PRUNE2: variants seen among roughly 807,000 people sequenced by gnomAD.
PRUNE2 encodes the protein protein prune homolog 2.
PRUNE2 carries 164 observed loss-of-function variants against 252.0 expected under a neutral mutation model. The ratio of observed to expected loss-of-function variants is 0.65; its 90% confidence interval spans 0.57 to 0.74. The LOEUF is 0.74. Among genes scored for constraint, PRUNE2 ranks in the 30% least tolerant of loss-of-function variants. The pLI is 0.00. For missense variants in PRUNE2, 3,495 were observed against 3,711.0 expected (o/e 0.94, Z 1.51); for synonymous variants, 1,292 against 1,350.2 (o/e 0.96, Z 0.94).
chr9:76,887,227 A>T (rs1026972902), intron 1 of PRUNE2, among the ~76,000 whole-genome samples: 1 of 152,104 alleles, frequency 6.6e-6, no homozygotes, highest in Non-Finnish European at 1.5e-5. Context: ...AGTCATCCCA[A>T]ATGAAAACAA....
intron 6 of PRUNE2, among the ~76,000 whole-genome samples, chr9:76,781,655 T>C (rs2054409052): frequency 6.6e-6 from 1 of 152,240 alleles, no homozygotes; most frequent in Non-Finnish European, 1.5e-5. Context: ...TACATTTATA[T>C]GCATGATTAC....
rs924823037 is a variant in PRUNE2, at chr9:76,624,421, T to G, written c.9188+31A>C. 4 of 1,387,598 alleles carry G rather than the reference T, an allele frequency of 2.9e-6. No homozygotes were observed. The African/African-American group carries it at 4.4e-5, about 15-fold the overall frequency. 86.0% of individuals were successfully genotyped at this position (1,387,598 alleles called of 1,614,324 possible). On this transcript the variant is annotated intron_variant, in intron 17 of 18. Coordinates refer to ENST00000376718, the MANE Select transcript of PRUNE2 (RefSeq NM_015225.3). ...AGTTCTGAAATGCAAGCCAACATCATGCCAGCCGCTAAACGAAAACCAAGT... is the reference window on the plus strand; with the variant it reads ...AGTTCTGAAATGCAAGCCAACATCAGGCCAGCCGCTAAACGAAAACCAAGT...
Position 76,861,135 on chromosome 9 carries a change from AG to A in PRUNE2, c.37-6928del, listed in dbSNP as rs2060523017. Among the ~76,000 whole-genome samples, 5 of 152,340 alleles carry A rather than the reference AG, an allele frequency of 3.3e-5. No individual in the cohort carries two copies. In the South Asian group the frequency reaches 1.0e-3, roughly 32 times the overall value. ...ATGGTACCATGGCCAAGTGAGCAGC[AG>A]GGGCCACAGGGAGGCCTGGAGATGT... On this transcript the variant is annotated intron_variant, in intron 1 of 18. Transcript: ENST00000376718.
intron 9 of PRUNE2, among the ~76,000 whole-genome samples, chr9:76,662,103 G>C (rs2039206975): frequency 6.6e-6 from 1 of 152,080 alleles, no homozygotes; most frequent in African/African-American, 2.4e-5. Context: ...AGTTCCTAGA[G>C]GAAAATAAAT....
chr9:76,743,445 T>A (rs566877574), intron 6 of PRUNE2, among the ~76,000 whole-genome samples: 1 of 152,244 alleles, frequency 6.6e-6, no homozygotes, highest in African/African-American at 2.4e-5. Flanking sequence ...TAGCAAAAAT[T>A]GGAAATAGTC....
chr9:76,782,085 G>T (rs928581113), intron 6 of PRUNE2, among the ~76,000 whole-genome samples: 5 of 152,158 alleles, frequency 3.3e-5, no homozygotes, highest in Non-Finnish European at 7.3e-5. Flanking sequence ...GTGGTGGTGG[G>T]CACCTGTAGT....
intron 6 of PRUNE2, among the ~76,000 whole-genome samples, chr9:76,740,759 A>G (rs1341933727): frequency 6.6e-6 from 1 of 152,218 alleles, no homozygotes; most frequent in African/African-American, 2.4e-5. Context: ...TTAGCTAGTG[A>G]TCGAGGTAGA....
At position 76,855,375 on chromosome 9, in the gene PRUNE2, T is replaced by A. The variant is rs150290622; in HGVS notation, c.37-1167A>T. Among the ~76,000 whole-genome samples, 91 of 152,144 alleles carry A rather than the reference T, an allele frequency of 6.0e-4. No homozygotes were observed. In the East Asian group the frequency reaches 0.015, roughly 26 times the overall value. ...TTTAGAACTACCTAGAAAGCCAACT[T>A]AGTTGTAATACTGTTCCAAAGGCTA... is the stretch of plus-strand genomic sequence containing the variant. On this transcript the variant is annotated intron_variant, in intron 1 of 18. Transcript: ENST00000376718.
intron 6 of PRUNE2, among the ~76,000 whole-genome samples, chr9:76,714,061 T>C (rs973996270): frequency 3.3e-5 from 5 of 152,242 alleles, no homozygotes; most frequent in African/African-American, 1.2e-4. Flanking sequence ...ATAGGATCTA[T>C]ATACGAATGT....
At chr9:76,777,193 G>C (rs1453436232) in intron 6 of PRUNE2, among the ~76,000 whole-genome samples, 1 of 152,166 alleles carries the variant, frequency 6.6e-6, no homozygotes, top group Non-Finnish European at 1.5e-5. Context: ...ATGTGAAACT[G>C]CTAGGGACAA....
At chr9:76,901,768 A>T (rs749983685) in intron 1 of PRUNE2, among the ~76,000 whole-genome samples, 6 of 152,210 alleles carry the variant, frequency 3.9e-5, no homozygotes, top group African/African-American at 7.2e-5. Flanking sequence ...AGAAGTCCAC[A>T]TATCAACTAA....
At chr9:76,837,989 T>C (rs1283784121) in intron 4 of PRUNE2, among the ~76,000 whole-genome samples, 4 of 151,980 alleles carry the variant, frequency 2.6e-5, no homozygotes, top group East Asian at 1.9e-4. Context: ...GCCAGGATGG[T>C]CTCGATCTCC....
In PRUNE2 at chr9:76,708,825, T is replaced by C. The variant is rs759863126; in HGVS notation, c.3449A>G (p.Asp1150Gly). 1.9e-6 allele frequency: 3 copies of C among 1,613,922 alleles called. 1 individual carries two copies. The highest frequency in any genetic ancestry group is 2.2e-5 in the East Asian group (1 of 44,846). ...AGCCATGTATCCTTCTGTTTGACCA[T>C]CACTGGGGATTGCCGCACCCCCACT... is the stretch of plus-strand genomic sequence containing the variant. Reference protein sequence around the residue: ...DCSGGAAIPSDGQTEGYMAEG... With the variant: ...DCSGGAAIPSGGQTEGYMAEG... Residue 1150 changes from aspartate to glycine, a missense_variant, in exon 8 of 19, where the codon GAT becomes GGT. Transcript: ENST00000376718.
At chr9:76,685,479 GGT>G (rs2043984583) in intron 9 of PRUNE2, among the ~76,000 whole-genome samples, 1 of 152,132 alleles carries the variant, frequency 6.6e-6, no homozygotes, top group Non-Finnish European at 1.5e-5. Context: ...AGTACCTCAA[GGT>G]GTGTGTTTGG....
intron 9 of PRUNE2, among the ~76,000 whole-genome samples, chr9:76,670,053 A>C (rs1371235121): frequency 2.0e-5 from 3 of 152,166 alleles, no homozygotes; most frequent in African/African-American, 7.2e-5. Context: ...AGGAGCCAAG[A>C]TGGCCGAATA....
At chr9:76,655,326 C>A (rs1848768493) in intron 10 of PRUNE2, 97 bp downstream of exon 10, 4 of 896,360 alleles carry the variant, frequency 4.5e-6, no homozygotes, top group Non-Finnish European at 7.2e-6. Context: ...TCACTGAAAT[C>A]ATAAGTTAGA....
In PRUNE2 at chr9:76,707,160, G is replaced by A; in HGVS notation, c.5114C>T (p.Ala1705Val). The change falls in exon 8 of 19, where the codon GCC (alanine) becomes GTC (valine). Residue 1705 changes from alanine to valine, a missense_variant. Ala to Val is a moderately conservative substitution (Grantham distance 64). Coordinates refer to ENST00000376718, the MANE Select transcript of PRUNE2 (RefSeq NM_015225.3). ...EESIEEEIQV[A>V]NCHVAEDESR... ...TTCATCCTCAGCAACGTGGCAGTTG[G>A]CCACCTGGATCTCTTCCTCTATTGA... is the stretch of plus-strand genomic sequence containing the variant. 6.2e-7 allele frequency: 1 copy of A among 1,613,804 alleles called. No individual in the cohort carries two copies. The highest frequency in any genetic ancestry group is 8.5e-7 in the Non-Finnish European group (1 of 1,179,826).
intron 9 of PRUNE2, among the ~76,000 whole-genome samples, chr9:76,683,666 A>G (rs1162078416): frequency 6.6e-6 from 1 of 152,160 alleles, no homozygotes; most frequent in African/African-American, 2.4e-5. Flanking sequence ...CCCTGAAATT[A>G]GGCACACCTT....
intron 1 of PRUNE2, among the ~76,000 whole-genome samples, chr9:76,880,682 T>A (rs556705024): frequency 6.6e-6 from 1 of 152,348 alleles, no homozygotes; most frequent in East Asian, 1.9e-4. Flanking sequence ...GCATAAAGCA[T>A]GTCTTTTGCA....
Sources: gnomAD v4.1 joint callset for allele counts (sites outside exome capture counted in the v4.1 genomes callset) on GRCh38, gnomAD v4.1.1 for gene constraint, MANE v1.5 for transcripts, NCBI Gene and HGNC (gene_info 2026-07-23, HGNC 2026-07-21) for gene names.